Variants in RPS6KC1 observed in about 807,000 individuals in gnomAD.
RPS6KC1 encodes the protein inactive ribosomal protein S6 kinase delta-1.
In RPS6KC1, 54 loss-of-function variants were observed where a neutral mutation model predicts 103.8. The ratio of observed to expected loss-of-function variants is 0.52; its 90% confidence interval spans 0.42 to 0.65. The LOEUF (loss-of-function observed/expected upper bound fraction) is 0.65. RPS6KC1 is among the 30% of genes least tolerant of loss of function. The probability of loss-of-function intolerance (pLI) is 0.00; values close to 1 mark genes in which losing one functional copy is unlikely to be tolerated. For missense variants in RPS6KC1, 1,151 were observed against 1,253.8 expected, an observed-to-expected ratio of 0.92 and a Z score of 1.24; for synonymous variants, 439 against 438.7, an observed-to-expected ratio of 1.00 and a Z score of -0.01.
chr1:213,153,299 A>ACAGAGGCAGGGGCAGGGG (rs1558432937), intron 6 of RPS6KC1, among the ~76,000 whole-genome samples: 2 of 150,882 alleles, frequency 1.3e-5, no homozygotes, highest in Admixed American at 1.3e-4. Context: ...AGAGGCAGGC[A>ACAGAGGCAGGGGCAGGGG]CAGAGGCAGG....
At chr1:213,851,978 G>C in the RPS6KC1 span, among the ~76,000 whole-genome samples, 1 of 152,120 alleles carries the variant, frequency 6.6e-6, no homozygotes, top group East Asian at 1.9e-4. Context: ...TATAGCCTCT[G>C]TGCTCTGAAT....
At chr1:213,155,638 G>C (rs1175503357) in intron 6 of RPS6KC1, among the ~76,000 whole-genome samples, 2 of 152,158 alleles carry the variant, frequency 1.3e-5, no homozygotes, top group South Asian at 2.1e-4. Context: ...TGGGGTGCAG[G>C]GGGTGACGTC....
At chr1:213,409,287 C>G in the RPS6KC1 span, among the ~76,000 whole-genome samples, 1 of 152,008 alleles carries the variant, frequency 6.6e-6, no homozygotes, top group Non-Finnish European at 1.5e-5. Context: ...TTTGCACCAA[C>G]CTAATACGTT....
At chr1:213,187,572 T>C (rs758226446) in intron 8 of RPS6KC1, among the ~76,000 whole-genome samples, 1 of 152,064 alleles carries the variant, frequency 6.6e-6, no homozygotes, top group Admixed American at 6.5e-5. Flanking sequence ...ATTTCTTTGA[T>C]AAATTTTTGA....
chr1:213,185,678 GTATTAT>G (rs1312236302), intron 8 of RPS6KC1, among the ~76,000 whole-genome samples: 1 of 151,228 alleles, frequency 6.6e-6, no homozygotes, highest in Admixed American at 6.6e-5. Flanking sequence ...TTTAAATTCA[GTATTAT>G]TATTATTATT....
At chr1:213,768,030 A>C in the RPS6KC1 span, among the ~76,000 whole-genome samples, 1 of 152,172 alleles carries the variant, frequency 6.6e-6, no homozygotes, top group Admixed American at 6.5e-5. Context: ...ACTTTTCCTT[A>C]TTTGAGCCTA....
chr1:213,271,978 CA>C (rs2095057925), intron 14 of RPS6KC1, among the ~76,000 whole-genome samples: 1 of 151,938 alleles, frequency 6.6e-6, no homozygotes, highest in African/African-American at 2.4e-5. Context: ...CTGAAGAAAC[CA>C]AAACTTGTTT....
chr1:213,276,177 C>T (rs1039150556), downstream of RPS6KC1, among the ~76,000 whole-genome samples: 1 of 152,148 alleles, frequency 6.6e-6, no homozygotes, highest in Non-Finnish European at 1.5e-5. Context: ...TTTGCTTGCC[C>T]ACAAGTTTGG....
the RPS6KC1 span, chr1:213,731,671 T>C: frequency 6.6e-6 from 1 of 152,206 alleles, no homozygotes; most frequent in Non-Finnish European, 1.5e-5. Context: ...TATGAACATA[T>C]TAAATTGTCA....
intron 8 of RPS6KC1, among the ~76,000 whole-genome samples, chr1:213,214,826 A>G (rs568769577): frequency 1.5e-4 from 23 of 152,346 alleles, no homozygotes; most frequent in African/African-American, 5.5e-4. Flanking sequence ...CCTGACTGTT[A>G]GAATGAAAAC....
intron 12 of RPS6KC1, among the ~76,000 whole-genome samples, chr1:213,252,886 GC>G (rs1458458285): frequency 5.3e-5 from 8 of 152,030 alleles, no homozygotes; most frequent in Non-Finnish European, 1.2e-4. Flanking sequence ...AATTCTTCCA[GC>G]ATCTAACTAT....
the RPS6KC1 span, among the ~76,000 whole-genome samples, chr1:213,825,132 C>T: frequency 6.6e-6 from 1 of 152,118 alleles, no homozygotes; most frequent in Non-Finnish European, 1.5e-5. Context: ...GAAGCAAGAC[C>T]CCTGACTTAT....
At chr1:213,129,014 C>T (rs183392731) in intron 5 of RPS6KC1, among the ~76,000 whole-genome samples, 179 of 152,092 alleles carry the variant, frequency 1.2e-3, no homozygotes, top group African/African-American at 3.2e-3. Context: ...TAAGAGCTGG[C>T]GCTGGGCTTG....
At chr1:213,458,947 G>T in the RPS6KC1 span, among the ~76,000 whole-genome samples, 1 of 152,216 alleles carries the variant, frequency 6.6e-6, no homozygotes, top group South Asian at 2.1e-4. Context: ...GCATCCCAGG[G>T]ATGAAGCTGA....
chr1:213,374,267 TCA>T, the RPS6KC1 span, among the ~76,000 whole-genome samples: 2 of 152,238 alleles, frequency 1.3e-5, no homozygotes, highest in Non-Finnish European at 2.9e-5. Context: ...TCAGTGAGAT[TCA>T]CAGTGTTCAT....
chr1:213,273,792 T>A lies in RPS6KC1; in HGVS notation c.*1158T>A, dbSNP rs753352929. On this transcript the variant is annotated 3_prime_UTR_variant, in exon 15 of 15. Coordinates refer to ENST00000366960, the MANE Select transcript of RPS6KC1 (RefSeq NM_012424.6). Reference sequence around the variant, plus strand: ...CTAAGGTAGCTCCTGTAGTTATGCATTGTTGCAAAAATTTACAAATGTTTT... The same window carrying A: ...CTAAGGTAGCTCCTGTAGTTATGCAATGTTGCAAAAATTTACAAATGTTTT... The A allele has an allele frequency of 6.6e-6, 1 of 152,272 alleles. No individual in the cohort carries two copies. Among genetic ancestry groups the A allele is most frequent in the Non-Finnish European group, 1.5e-5 (1 of 68,046 alleles). The allele number at this position is 152,272 out of a possible 1,614,324, so 9.4% of individuals were successfully genotyped here.
At chr1:213,568,561 G>A in the RPS6KC1 span, among the ~76,000 whole-genome samples, 1 of 152,216 alleles carries the variant, frequency 6.6e-6, no homozygotes, top group Non-Finnish European at 1.5e-5. Flanking sequence ...CAACAGGTAA[G>A]GGAACTACCA....
chr1:213,394,728 G>A, the RPS6KC1 span, among the ~76,000 whole-genome samples: 1 of 152,178 alleles, frequency 6.6e-6, no homozygotes, highest in Admixed American at 6.5e-5. Context: ...GTGTTCGTGG[G>A]TGCTTTTCTG....
Position 213,068,789 on chromosome 1 carries a change from ATTGC to A in RPS6KC1, c.106-2213_106-2210del, listed in dbSNP as rs2078586905. Among the ~76,000 whole-genome samples, 3 of 150,318 alleles carry A rather than the reference ATTGC, an allele frequency of 2.0e-5. No individual in the cohort carries two copies. In the South Asian group the frequency reaches 6.3e-4, roughly 32 times the overall value. Reference sequence around the variant, plus strand: ...CACTGTGGGAGGCTGAGGCGGGAGGATTGCTTGATCCCAGGAATTTGAGAGCAGC... The same window carrying A: ...CACTGTGGGAGGCTGAGGCGGGAGGATTGATCCCAGGAATTTGAGAGCAGC... On this transcript the variant is annotated intron_variant, in intron 1 of 14. Transcript: ENST00000366960.
Sources: allele counts gnomAD v4.1 joint callset (sites outside exome capture counted in the v4.1 genomes callset), GRCh38; gene constraint gnomAD v4.1.1; transcripts MANE v1.5; gene names NCBI Gene and HGNC (gene_info 2026-07-23, HGNC 2026-07-21).